ZNF875: variants seen among roughly 807,000 people sequenced by gnomAD.
ZNF875 encodes HKR1, GLI-Kruppel zinc finger family member.
A neutral mutation model predicts 11.2 loss-of-function variants in ZNF875; 14 were observed. That is an observed-to-expected ratio of 1.26 (90% CI 0.83 to 1.96). ZNF875 has a LOEUF of 1.96. Among genes scored for constraint, ZNF875 ranks in the 30% most tolerant of loss-of-function variants. The pLI is 0.00. For synonymous variants in ZNF875, 301 were observed against 281.1 expected (o/e 1.07, Z -0.71); for missense variants, 752 against 760.4 (o/e 0.99, Z 0.13).
At chr19:37,322,926 A>G (rs1482905151) in intron 2 of ZNF875, among the ~76,000 whole-genome samples, 1 of 151,374 alleles carries the variant, frequency 6.6e-6, no homozygotes. Flanking sequence ...CCTAATGCCC[A>G]CCTCCCACCT....
intron 4 of ZNF875, chr19:37,358,008 G>A: frequency 2.5e-6 from 1 of 398,094 alleles, no homozygotes; most frequent in Non-Finnish European, 4.4e-6. Flanking sequence ...GTTGGCTGTA[G>A]GTCTGTCACA....
intron 4 of ZNF875, among the ~76,000 whole-genome samples, chr19:37,349,382 A>C (rs1215937049): frequency 6.6e-6 from 1 of 152,158 alleles, no homozygotes; most frequent in Non-Finnish European, 1.5e-5. Context: ...GTTGCCCTAC[A>C]TCCTTCCTAA....
At chr19:37,327,860 G>A (rs1253861754) in intron 4 of ZNF875, among the ~76,000 whole-genome samples, 1 of 152,020 alleles carries the variant, frequency 6.6e-6, no homozygotes, top group Non-Finnish European at 1.5e-5. Context: ...TGTCAGAAAG[G>A]TTCATAAGAA....
upstream of ZNF875, among the ~76,000 whole-genome samples, chr19:37,333,170 T>G (rs2033665691): frequency 6.6e-6 from 1 of 152,210 alleles, no homozygotes; most frequent in South Asian, 2.1e-4. Flanking sequence ...CTCTCTTTAC[T>G]CCCTTTGTAC....
At chr19:37,333,040 A>C (rs73025467), upstream of ZNF875, among the ~76,000 whole-genome samples, 3,963 of 152,198 alleles carry the variant, frequency 0.026, 80 homozygotes, top group Middle Eastern at 0.044. Context: ...ATTTCTGTAG[A>C]GTTTCATTCT....
At chr19:37,329,235 T>G (rs1232757666) in intron 4 of ZNF875, 1 of 152,188 alleles carries the variant, frequency 6.6e-6, no homozygotes, top group East Asian at 1.9e-4. Flanking sequence ...CTAGTCCCTC[T>G]TATTTGAAGC....
Position 37,363,832 on chromosome 19 carries a change from C to G in ZNF875, c.*57C>G, listed in dbSNP as rs1410448130. ...CCTTTAGCCAGGAGTCATACTTCAT[C>G]AGACACCAGAGGACACACACAGTGC... On this transcript the variant is annotated 3_prime_UTR_variant, in exon 5 of 5. Coordinates refer to ENST00000392153, the MANE Select transcript of ZNF875 (RefSeq NM_001353803.2). The G allele has an allele frequency of 1.4e-6, 2 of 1,420,802 alleles. No individual in the cohort carries two copies. The highest frequency in any genetic ancestry group is 2.0e-6 in the Non-Finnish European group (2 of 1,015,240). 88.0% of individuals were successfully genotyped at this position (1,420,802 alleles called of 1,614,324 possible).
At chr19:37,348,554 GTTTTCTTCCCTGAGACTAA>G (rs2037270507) in intron 4 of ZNF875, among the ~76,000 whole-genome samples, 2 of 152,064 alleles carry the variant, frequency 1.3e-5, no homozygotes. Flanking sequence ...TATGTATTTT[GTTTTCTTCCCTGAGACTAA>G]TTTTGTACTA....
At chr19:37,359,145 C>CA (rs533123113) in intron 4 of ZNF875, among the ~76,000 whole-genome samples, 199 of 152,240 alleles carry the variant, frequency 1.3e-3, no homozygotes, top group Middle Eastern at 6.8e-3. Flanking sequence ...GGTGATCCGC[C>CA]ACCTCAGCCT....
upstream of ZNF875, among the ~76,000 whole-genome samples, chr19:37,332,522 C>A (rs1216334722): frequency 1.3e-5 from 2 of 151,978 alleles, no homozygotes; most frequent in Admixed American, 6.6e-5. Context: ...TGGCCAACTT[C>A]TTGCTCTTTT....
chr19:37,360,977 G>A (rs1298650201), intron 4 of ZNF875, among the ~76,000 whole-genome samples: 1 of 151,500 alleles, frequency 6.6e-6, no homozygotes, highest in Non-Finnish European at 1.5e-5. Context: ...GTACAATTAT[G>A]ACTTCTAGTT....
chr19:37,347,959 T>G, intron 4 of ZNF875, 87 bp downstream of exon 4: 4 of 779,392 alleles, frequency 5.1e-6, no homozygotes, highest in Non-Finnish European at 8.9e-6. Flanking sequence ...GGGAAGAAGC[T>G]CTTCTTCAGG....
At chr19:37,330,791 C>A (rs935926912), upstream of ZNF875, among the ~76,000 whole-genome samples, 22 of 152,174 alleles carry the variant, frequency 1.4e-4, no homozygotes, top group Non-Finnish European at 1.8e-4. Context: ...TCCCACCACA[C>A]CACCCTCTGT....
chr19:37,328,149 A>T (rs968757005), intron 4 of ZNF875, among the ~76,000 whole-genome samples: 1 of 152,152 alleles, frequency 6.6e-6, no homozygotes, highest in African/African-American at 2.4e-5. Flanking sequence ...CTGAGACAGG[A>T]GAATCACTTG....
intron 4 of ZNF875, among the ~76,000 whole-genome samples, chr19:37,357,417 T>C (rs1222643726): frequency 6.6e-6 from 1 of 152,234 alleles, no homozygotes; most frequent in African/African-American, 2.4e-5. Flanking sequence ...TGTAGATTGC[T>C]TTGGGCAGTA....
upstream of ZNF875, chr19:37,317,881 C>A (rs1489948989): frequency 6.5e-6 from 1 of 152,998 alleles, no homozygotes; most frequent in Admixed American, 6.5e-5. Flanking sequence ...GGAAGCCCGC[C>A]CTCCCGTTTC....
rs193061537 is a variant in ZNF875, at chr19:37,358,037, G to A, written c.257-4072G>A. The A allele has an allele frequency of 4.3e-3, 1,656 of 386,944 alleles. 6 individuals are homozygous for A. Among genetic ancestry groups the A allele is most frequent in the Admixed American group, 7.6e-3 (168 of 22,218 alleles). The allele number at this position is 386,944 out of a possible 1,614,324, so 24.0% of individuals were successfully genotyped here. ...TGTCACAGATAACTCTTCTTATTTTGAGGTATGTTCCTTTGATGCCTAGTT... is the reference window on the plus strand; with the variant it reads ...TGTCACAGATAACTCTTCTTATTTTAAGGTATGTTCCTTTGATGCCTAGTT... On this transcript the variant is annotated intron_variant, in intron 4 of 4. Transcript: ENST00000392153.
intron 2 of ZNF875, among the ~76,000 whole-genome samples, chr19:37,342,541 TA>T (rs1176915905): frequency 6.6e-6 from 1 of 151,876 alleles, no homozygotes; most frequent in African/African-American, 2.4e-5. Context: ...GCCTCCCGAG[TA>T]GCTGGGATTA....
intron 2 of ZNF875, among the ~76,000 whole-genome samples, chr19:37,340,172 G>A (rs2146059999): frequency 6.6e-6 from 1 of 151,954 alleles, no homozygotes; most frequent in East Asian, 2.0e-4. Context: ...AGTAGAGATG[G>A]GGTTTCACCA....
Sources: gnomAD v4.1 joint callset for allele counts (sites outside exome capture counted in the v4.1 genomes callset) on GRCh38, gnomAD v4.1.1 for gene constraint, MANE v1.5 for transcripts, NCBI Gene and HGNC (gene_info 2026-07-23, HGNC 2026-07-21) for gene names.